RTF1: variants seen among roughly 807,000 people sequenced by gnomAD.
RTF1 encodes RTF1 homolog, Paf1/RNA polymerase II complex component.
RTF1 carries 10 observed loss-of-function variants against 95.7 expected under a neutral mutation model. That is an observed-to-expected ratio of 0.10 (90% CI 0.06 to 0.18). The LOEUF (loss-of-function observed/expected upper bound fraction) is 0.18, where lower values mean the gene tolerates loss of function less well. Among genes scored for constraint, RTF1 ranks in the 10% least tolerant of loss-of-function variants. The pLI is 1.00. For missense variants in RTF1, 458 were observed against 875.6 expected (o/e 0.52, Z 6.02); for synonymous variants, 305 against 311.8 (o/e 0.98, Z 0.23).
At chr15:41,469,062 G>A (rs1043654398) in intron 6 of RTF1, among the ~76,000 whole-genome samples, 3 of 151,804 alleles carry the variant, frequency 2.0e-5, no homozygotes, top group South Asian at 4.2e-4. Context: ...TTCACCTCCC[G>A]GGTTCAAGCG....
At chr15:41,428,941 T>C (rs138934078) in intron 1 of RTF1, among the ~76,000 whole-genome samples, 198 of 152,278 alleles carry the variant, frequency 1.3e-3, no homozygotes, top group African/African-American at 4.5e-3. Flanking sequence ...TTCGTCATGT[T>C]GGCCAGGCTG....
rs986244326 is a variant in RTF1, at chr15:41,478,108, T to TA, written c.1741-432dup. Among the ~76,000 whole-genome samples, 15 of 127,332 alleles carry TA rather than the reference T, an allele frequency of 1.2e-4. No homozygotes were observed. The Middle Eastern group carries it at 0.018, about 155-fold the overall frequency. 83.5% of individuals were successfully genotyped at this position (127,332 alleles called of 152,430 possible). On this transcript the variant is annotated intron_variant, in intron 14 of 17. Transcript: ENST00000389629. ...AGAGAGCGAGAATCCATTTAAAAAA[T>TA]AAAAAAAATTAGCCGGGCATGGTGG...
intron 4 of RTF1, among the ~76,000 whole-genome samples, chr15:41,458,847 G>A (rs1474450838): frequency 3.3e-5 from 5 of 151,968 alleles, no homozygotes; most frequent in African/African-American, 9.7e-5. Context: ...CAAGGCGGGC[G>A]GATCACTTGA....
intron 2 of RTF1, among the ~76,000 whole-genome samples, chr15:41,448,205 G>T (rs144806173): frequency 1.3e-5 from 2 of 152,186 alleles, no homozygotes; most frequent in African/African-American, 4.8e-5. Flanking sequence ...GGGAGTAAAT[G>T]ATCTATTCTT....
intron 1 of RTF1, among the ~76,000 whole-genome samples, chr15:41,432,929 A>G (rs1355741788): frequency 6.7e-6 from 1 of 150,350 alleles, no homozygotes; most frequent in Non-Finnish European, 1.5e-5. Flanking sequence ...CAAGAGTGAA[A>G]CTCCGTCTCA....
At chr15:41,451,499 A>G (rs180897443) in intron 2 of RTF1, among the ~76,000 whole-genome samples, 22 of 152,316 alleles carry the variant, frequency 1.4e-4, no homozygotes, top group African/African-American at 5.1e-4. Flanking sequence ...CCTGTTTGAC[A>G]GTGCAAATTA....
chr15:41,444,956 G>T (rs1211594458), intron 2 of RTF1, among the ~76,000 whole-genome samples: 4 of 151,938 alleles, frequency 2.6e-5, no homozygotes, highest in African/African-American at 9.7e-5. Flanking sequence ...TTTTGAGACG[G>T]AGTCTCGGTC....
intron 2 of RTF1, among the ~76,000 whole-genome samples, chr15:41,449,241 T>A (rs1404942808): frequency 4.1e-5 from 6 of 145,428 alleles, no homozygotes; most frequent in African/African-American, 1.6e-4. Flanking sequence ...TTTTTTTTTT[T>A]TTTTTTTGAG....
chr15:41,476,300 G>A (rs1055869249), intron 11 of RTF1, 146 bp from the exon 12 acceptor site: 20 of 623,046 alleles, frequency 3.2e-5, no homozygotes, highest in Non-Finnish European at 5.0e-5. Flanking sequence ...GAATGAACCC[G>A]CTCTCTCTCT....
chr15:41,453,001 G>A lies in RTF1; in HGVS notation c.410G>A (p.Gly137Asp). ...KKQANKTASS[G>D]SSDKDSSAES... Reference sequence around the variant, plus strand: ...CAGGCCAACAAAACTGCCTCCTCAGGCAGTTCAGACAAAGACAGTTCAGCT... The same window carrying A: ...CAGGCCAACAAAACTGCCTCCTCAGACAGTTCAGACAAAGACAGTTCAGCT... The change falls in exon 3 of 18, where the codon GGC (glycine) becomes GAC (aspartate). Residue 137 changes from glycine to aspartate, a missense_variant. By Grantham distance (94) the Gly-to-Asp change is moderately conservative (BLOSUM62 -1). Around this residue, in one of 11 missense-constraint regions of RTF1, gnomAD observed 39 missense variants for 38.4 expected, o/e 1.02. Coordinates refer to ENST00000389629, the MANE Select transcript of RTF1 (RefSeq NM_015138.5). 6.2e-7 allele frequency: 1 copy of A among 1,612,382 alleles called. No individual in the cohort carries two copies. The highest frequency in any genetic ancestry group is 8.5e-7 in the Non-Finnish European group (1 of 1,179,568).
chr15:41,452,807 G>C, intron 2 of RTF1, 94 bp from the exon 3 acceptor site: 2 of 880,668 alleles, frequency 2.3e-6, no homozygotes, highest in Non-Finnish European at 3.2e-6. Flanking sequence ...ATTCAAAGAT[G>C]AATGCCAGAG....
chr15:41,440,532 C>T (rs1465182098), intron 2 of RTF1, among the ~76,000 whole-genome samples: 3 of 142,910 alleles, frequency 2.1e-5, no homozygotes, highest in Non-Finnish European at 4.5e-5. Flanking sequence ...GCTCTGTTGC[C>T]AGGCTGGAGT....
chr15:41,470,902 C>T (rs1390210836), intron 7 of RTF1, among the ~76,000 whole-genome samples: 1 of 151,978 alleles, frequency 6.6e-6, no homozygotes, highest in African/African-American at 2.4e-5. Context: ...TCGTGATCCG[C>T]CCGCCTCGGC....
At position 41,481,126 on chromosome 15, in the gene RTF1, G is replaced by C. The variant is rs1595442780; in HGVS notation, c.*439G>C. 1 of 154,854 alleles carries C rather than the reference G, an allele frequency of 6.5e-6. No homozygotes were observed. The highest frequency in any genetic ancestry group is 2.0e-4 in the South Asian group (1 of 4,962). 9.6% of individuals were successfully genotyped at this position (154,854 alleles called of 1,614,324 possible). On this transcript the variant is annotated 3_prime_UTR_variant, in exon 18 of 18. Transcript: ENST00000389629. The stretch of plus-strand genomic sequence containing the variant: ...TGAACATTCGGCACGTGACCTTGTG[G>C]GGGGAGCGGGGATTGGGCACCTGCG...
chr15:41,472,966 G>C (rs2050921632), intron 8 of RTF1, among the ~76,000 whole-genome samples: 3 of 152,166 alleles, frequency 2.0e-5, no homozygotes, highest in South Asian at 2.1e-4. Flanking sequence ...CTCCCAAAGT[G>C]CTGGGATTAC....
intron 1 of RTF1, among the ~76,000 whole-genome samples, chr15:41,427,705 T>C (rs2050643194): frequency 6.6e-6 from 1 of 152,146 alleles, no homozygotes; most frequent in South Asian, 2.1e-4. Context: ...ATAATAATTA[T>C]GCCGATGCTC....
chr15:41,481,268 A>T lies in RTF1; in HGVS notation c.*581A>T, dbSNP rs1043539060. 1 of 146,130 alleles carries T rather than the reference A, an allele frequency of 6.8e-6. No individual in the cohort carries two copies. Among genetic ancestry groups the T allele is most frequent in the African/African-American group, 2.6e-5 (1 of 38,464 alleles). The allele number at this position is 146,130 out of a possible 1,614,324, so 9.1% of individuals were successfully genotyped here. A position where few individuals can be genotyped will look rare whatever the true frequency, so the allele number is the denominator to read the frequency against. On this transcript the variant is annotated 3_prime_UTR_variant, in exon 18 of 18. Coordinates refer to ENST00000389629, the MANE Select transcript of RTF1 (RefSeq NM_015138.5). The stretch of plus-strand genomic sequence containing the variant: ...GTGGGGGGGGGGGGTCTAATTTGAG[A>T]GCGAGAGTGTGTATGTGTGTGTGTG...
chr15:41,421,573 G>C (rs2050601656), intron 1 of RTF1, among the ~76,000 whole-genome samples: 1 of 150,796 alleles, frequency 6.6e-6, no homozygotes, highest in African/African-American at 2.4e-5. Context: ...TGAAGTTGCA[G>C]TTACTTGTGG....
At chr15:41,433,331 C>T (rs2050685170) in intron 1 of RTF1, among the ~76,000 whole-genome samples, 1 of 152,012 alleles carries the variant, frequency 6.6e-6, no homozygotes, top group Non-Finnish European at 1.5e-5. Flanking sequence ...GATTACTTAC[C>T]AGAAGTCTTT....
Sources: allele counts gnomAD v4.1 joint callset (sites outside exome capture counted in the v4.1 genomes callset), GRCh38; gene constraint gnomAD v4.1.1; regional missense constraint gnomAD v4.1.1; transcripts MANE v1.5; gene names NCBI Gene and HGNC (gene_info 2026-07-23, HGNC 2026-07-21).